The following RRM1 variants were observed in gnomAD, a reference collection of about 807,000 sequenced individuals.
RRM1 encodes the protein ribonucleoside-diphosphate reductase large subunit.
A neutral mutation model predicts 101.5 loss-of-function variants in RRM1; 19 were observed. The observed-to-expected ratio is 0.19, with a 90% CI of 0.13 to 0.27. The LOEUF (loss-of-function observed/expected upper bound fraction) is 0.27, where lower values mean the gene tolerates loss of function less well. RRM1 is among the 10% of genes least tolerant of loss of function. The pLI, the probability that RRM1 is intolerant of heterozygous loss-of-function variation, is 1.00. For missense variants in RRM1, 500 were observed against 962.9 expected (o/e 0.52, Z 6.36); for synonymous variants, 298 against 323.4 (o/e 0.92, Z 0.84).
intron 1 of RRM1, among the ~76,000 whole-genome samples, chr11:4,100,806 A>G (rs927365584): frequency 3.3e-5 from 5 of 152,214 alleles, no homozygotes; most frequent in Non-Finnish European, 1.5e-5. Flanking sequence ...AGTAAAATAG[A>G]TATAATAATT....
chr11:4,123,437 A>G (rs2133310699), intron 12 of RRM1, 53 bp downstream of exon 12: 1 of 1,418,144 alleles, frequency 7.1e-7, no homozygotes, highest in East Asian at 2.3e-5. Flanking sequence ...TTAGGCAGTT[A>G]TTATTTGTGA....
chr11:4,108,959 C>CT (rs912630151), intron 4 of RRM1, among the ~76,000 whole-genome samples: 2 of 151,824 alleles, frequency 1.3e-5, no homozygotes, highest in Non-Finnish European at 1.5e-5. Context: ...AACCTGGCTC[C>CT]TTTTTTTTCT....
intron 7 of RRM1, among the ~76,000 whole-genome samples, chr11:4,116,615 C>T (rs915040838): frequency 7.9e-5 from 12 of 150,954 alleles, no homozygotes; most frequent in Non-Finnish European, 1.5e-4. Context: ...ACAAAAACAC[C>T]CAAAAAAACA....
At chr11:4,114,912 C>T (rs971793371) in intron 7 of RRM1, among the ~76,000 whole-genome samples, 9 of 152,082 alleles carry the variant, frequency 5.9e-5, no homozygotes, top group East Asian at 1.9e-4. Flanking sequence ...GGGGTTTCAC[C>T]ATGTTGGCCA....
chr11:4,110,563 T>A (rs1590717302), intron 5 of RRM1, among the ~76,000 whole-genome samples: 1 of 151,440 alleles, frequency 6.6e-6, no homozygotes, highest in African/African-American at 2.4e-5. Flanking sequence ...AGGTCAGGAG[T>A]TCGAGACCAG....
At chr11:4,125,203 G>A (rs556213136) in intron 12 of RRM1, among the ~76,000 whole-genome samples, 5 of 152,100 alleles carry the variant, frequency 3.3e-5, no homozygotes, top group African/African-American at 4.8e-5. Flanking sequence ...GTGAGCCACC[G>A]TGACCGGCCT....
intron 12 of RRM1, among the ~76,000 whole-genome samples, chr11:4,124,298 A>G (rs1357483143): frequency 6.6e-6 from 1 of 152,176 alleles, no homozygotes; most frequent in Non-Finnish European, 1.5e-5. Flanking sequence ...TTGTTGTACT[A>G]GTTGGATGAC....
intron 4 of RRM1, among the ~76,000 whole-genome samples, chr11:4,108,597 CA>C (rs754848612): frequency 0.069 from 4,996 of 72,736 alleles, 95 homozygotes; most frequent in East Asian, 0.23. Flanking sequence ...GACTCAGTCT[CA>C]AAAAAAAAAA....
rs567959451 is a variant in RRM1 at position 4,137,588 on chromosome 11, C to T, written c.2191-607C>T. ...GGGGCGGCCGGGCAGAGGGGCCCCTCACCTCCCGGACGGGGCGGCTGGCCG... is the reference window on the plus strand; with the variant it reads ...GGGGCGGCCGGGCAGAGGGGCCCCTTACCTCCCGGACGGGGCGGCTGGCCG... On this transcript the variant is annotated intron_variant, in intron 18 of 18. Coordinates refer to ENST00000300738, the MANE Select transcript of RRM1 (RefSeq NM_001033.5). Among the ~76,000 whole-genome samples, 11 of 24,306 alleles carry T rather than the reference C, an allele frequency of 4.5e-4. 4 individuals carry two copies. Among genetic ancestry groups the T allele is most frequent in the Non-Finnish European group, 1.6e-3 (11 of 6,988 alleles). The allele number at this position is 24,306 out of a possible 152,430, so 15.9% of individuals were successfully genotyped here. A position where few individuals can be genotyped will look rare whatever the true frequency, so the allele number is the denominator to read the frequency against.
chr11:4,114,268 G>T (rs2094569628), intron 7 of RRM1, among the ~76,000 whole-genome samples: 1 of 151,884 alleles, frequency 6.6e-6, no homozygotes, highest in South Asian at 2.1e-4. Flanking sequence ...GAATATGAAG[G>T]CCTGGCTGGG....
At position 4,107,396 on chromosome 11, in the gene RRM1, TG is replaced by T. The variant is rs764926112; in HGVS notation, c.287-37del. The T allele has an allele frequency of 4.6e-6, 6 of 1,308,044 alleles. No homozygotes were observed. In the South Asian group the frequency reaches 5.9e-5, roughly 13 times the overall value. The allele number at this position is 1,308,044 out of a possible 1,614,324, so 81.0% of individuals were successfully genotyped here. ...CCTAAAGATTGAATTAGCTGTTAAG[TG>T]GTCTTGATATATTTTCATTTTTTGT... is the stretch of plus-strand genomic sequence containing the variant. On this transcript the variant is annotated intron_variant, in intron 3 of 18. Transcript: ENST00000300738.
At chr11:4,136,013 G>T (rs2094609042) in intron 18 of RRM1, among the ~76,000 whole-genome samples, 1 of 151,082 alleles carries the variant, frequency 6.6e-6, no homozygotes, top group Non-Finnish European at 1.5e-5. Context: ...TATTGTCTTG[G>T]GCAAACCTGG....
At chr11:4,110,988 TTGA>T (rs998730642) in intron 5 of RRM1, among the ~76,000 whole-genome samples, 2 of 151,888 alleles carry the variant, frequency 1.3e-5, no homozygotes, top group African/African-American at 2.4e-5. Flanking sequence ...TGTTGTGAAG[TTGA>T]TGATGATGAT....
chr11:4,131,111 AGGGTTG>A (rs1381573825), intron 15 of RRM1, among the ~76,000 whole-genome samples: 4 of 152,224 alleles, frequency 2.6e-5, no homozygotes, highest in African/African-American at 4.8e-5. Flanking sequence ...ACAGTTCCGC[AGGGTTG>A]GGGAGGCCTC....
In RRM1 at chr11:4,123,339, C is replaced by T; in HGVS notation, c.1275C>T (p.Cys425=). Residue 425 remains cysteine (C), a synonymous_variant, in exon 12 of 19, where the codon TGC becomes TGT. Coordinates refer to ENST00000300738, the MANE Select transcript of RRM1 (RefSeq NM_001033.5). ...SNQQNLGTIK[C]SNLCTEIVEY... ...AGCAGAACCTGGGAACCATCAAATG[C>T]AGCAACCTGTGCACAGAAATAGTGG... The T allele has an allele frequency of 6.2e-7, 1 of 1,614,116 alleles. No individual in the cohort carries two copies. The highest frequency in any genetic ancestry group is 8.5e-7 in the Non-Finnish European group (1 of 1,180,026).
chr11:4,124,487 C>G (rs920847227), intron 12 of RRM1, among the ~76,000 whole-genome samples: 44 of 152,232 alleles, frequency 2.9e-4, no homozygotes, highest in African/African-American at 8.7e-4. Flanking sequence ...ATGTAAAACA[C>G]AATGTTAAGT....
chr11:4,112,720 A>C (rs2133298075), intron 7 of RRM1, among the ~76,000 whole-genome samples: 1 of 152,338 alleles, frequency 6.6e-6, no homozygotes, highest in East Asian at 1.9e-4. Flanking sequence ...AGAACTAGTT[A>C]GGGGACTCTT....
chr11:4,114,646 TTTC>T (rs1454709326), intron 7 of RRM1, among the ~76,000 whole-genome samples: 2 of 152,216 alleles, frequency 1.3e-5, no homozygotes, highest in African/African-American at 4.8e-5. Context: ...TTAAAAATAT[TTTC>T]TTCAATAATA....
At chr11:4,126,882 A>T in intron 13 of RRM1, 49 bp downstream of exon 13, 2 of 1,517,466 alleles carry the variant, frequency 1.3e-6, no homozygotes, top group South Asian at 1.2e-5. Context: ...ATCCAAATTG[A>T]AAGGAATCAA....
Sources: gnomAD v4.1 joint callset for allele counts (sites outside exome capture counted in the v4.1 genomes callset) on GRCh38, gnomAD v4.1.1 for gene constraint, MANE v1.5 for transcripts, NCBI Gene and HGNC (gene_info 2026-07-23, HGNC 2026-07-21) for gene names.